Variants in TM9SF3 observed in about 807,000 individuals in gnomAD.
TM9SF3 encodes SM-11044-binding protein.
Under a neutral mutation model 78.6 loss-of-function variants are expected in TM9SF3, and 14 were observed. That is an observed-to-expected ratio of 0.18 (90% confidence interval 0.12 to 0.28). The LOEUF is 0.28. Ranked by LOEUF, TM9SF3 falls within the 10% of genes least tolerant of loss-of-function variation. The probability of loss-of-function intolerance (pLI) is 1.00; values close to 1 mark genes in which losing one functional copy is unlikely to be tolerated. For missense variants in TM9SF3, 496 were observed against 721.9 expected (o/e 0.69, Z 3.59); for synonymous variants, 231 against 241.7 (o/e 0.96, Z 0.41).
At chr10:96,554,774 G>C (rs1848215093) in intron 5 of TM9SF3, among the ~76,000 whole-genome samples, 1 of 152,104 alleles carries the variant, frequency 6.6e-6, no homozygotes, top group Non-Finnish European at 1.5e-5. Flanking sequence ...TGCAGACTCA[G>C]ACTGCCCTAA....
At chr10:96,579,162 C>T (rs1012686084) in intron 1 of TM9SF3, among the ~76,000 whole-genome samples, 1 of 152,160 alleles carries the variant, frequency 6.6e-6, no homozygotes, top group Non-Finnish European at 1.5e-5. Flanking sequence ...ATGTAAAGTT[C>T]ATTGGCAACT....
At chr10:96,523,903 C>T (rs1196975698) in intron 14 of TM9SF3, among the ~76,000 whole-genome samples, 2 of 151,776 alleles carry the variant, frequency 1.3e-5, no homozygotes, top group Non-Finnish European at 1.5e-5. Flanking sequence ...GAAGTCATTG[C>T]AAGTGTGGTA....
intron 14 of TM9SF3, among the ~76,000 whole-genome samples, chr10:96,526,797 C>G (rs1330248420): frequency 6.6e-6 from 1 of 152,120 alleles, no homozygotes; most frequent in Admixed American, 6.6e-5. Context: ...AAACAGGAAT[C>G]ATTCAGGCAA....
intron 10 of TM9SF3, among the ~76,000 whole-genome samples, chr10:96,531,838 T>C (rs1385333966): frequency 6.6e-6 from 1 of 152,170 alleles, no homozygotes; most frequent in African/African-American, 2.4e-5. Context: ...GACTATGCTT[T>C]TCCTTTAAAC....
intron 6 of TM9SF3, 99 bp from the exon 7 acceptor site, chr10:96,551,510 A>G: frequency 1.3e-6 from 1 of 793,884 alleles, no homozygotes; most frequent in South Asian, 3.2e-5. Context: ...TCCTCCCTCC[A>G]AATTTATAGC....
At chr10:96,522,431 T>A in intron 14 of TM9SF3, 101 bp from the exon 15 acceptor site, 2 of 916,216 alleles carry the variant, frequency 2.2e-6, no homozygotes, top group Non-Finnish European at 3.2e-6. Context: ...TTATTCTTTT[T>A]TAAAGAAAAT....
intron 1 of TM9SF3, among the ~76,000 whole-genome samples, chr10:96,582,653 T>C (rs1015394787): frequency 3.3e-5 from 5 of 152,258 alleles, no homozygotes; most frequent in African/African-American, 9.6e-5. Context: ...ATGATTCAAC[T>C]TTTAAAAATT....
intron 8 of TM9SF3, among the ~76,000 whole-genome samples, chr10:96,546,024 C>T (rs1848094612): frequency 6.6e-6 from 1 of 152,214 alleles, no homozygotes; most frequent in African/African-American, 2.4e-5. Flanking sequence ...ATCTGCATTG[C>T]TGTGTTTTCT....
At position 96,527,509 on chromosome 10, in the gene TM9SF3, G is replaced by A. The variant is rs755319199; in HGVS notation, c.1542-13C>T. 4.4e-6 allele frequency: 7 copies of A among 1,591,520 alleles called. No homozygotes were observed. Among genetic ancestry groups the A allele is most frequent in the Non-Finnish European group, 5.1e-6 (6 of 1,165,868 alleles). On this transcript the variant is annotated splice_polypyrimidine_tract_variant and intron_variant, in intron 12 of 14. Coordinates refer to ENST00000371142, the MANE Select transcript of TM9SF3 (RefSeq NM_020123.4). ...ACTTGTCCATTGCCTGGTGGGGGGA[G>A]GGGGAAAGAAGATAAATCTCTTTTG... is the stretch of plus-strand genomic sequence containing the variant.
At chr10:96,537,946 T>C (rs765638675) in intron 9 of TM9SF3, among the ~76,000 whole-genome samples, 3 of 152,212 alleles carry the variant, frequency 2.0e-5, no homozygotes, top group African/African-American at 4.8e-5. Flanking sequence ...GACTCAATAA[T>C]GTTAAGATGT....
Position 96,533,053 on chromosome 10 carries a change from T to C in TM9SF3, c.1323A>G (p.Lys441=), listed in dbSNP as rs1343722561. ...NAVPRPIPEK[K]WFMEPAVIVC... ...ATAAGATTTAGCATTCTCTTTACCA[T>C]TTTTTCTCCGGTATAGGACGAGGCA... The change falls in exon 10 of 15, where the codon AAA becomes AAG. Residue 441 remains lysine (K), a splice_region_variant and synonymous_variant. Coordinates refer to ENST00000371142, the MANE Select transcript of TM9SF3 (RefSeq NM_020123.4). 2 of 1,613,342 alleles carry C rather than the reference T, an allele frequency of 1.2e-6. No homozygotes were observed.
intron 8 of TM9SF3, among the ~76,000 whole-genome samples, chr10:96,545,516 T>G (rs1415308493): frequency 6.6e-6 from 1 of 152,210 alleles, no homozygotes; most frequent in African/African-American, 2.4e-5. Context: ...ATTAAAGTAT[T>G]ACTTCTATTT....
chr10:96,536,049 A>C (rs987990889), intron 9 of TM9SF3, among the ~76,000 whole-genome samples: 1 of 152,230 alleles, frequency 6.6e-6, no homozygotes, highest in African/African-American at 2.4e-5. Flanking sequence ...AGAATTAAAA[A>C]AGAAAAATCA....
chr10:96,543,947 T>C (rs112928418), intron 9 of TM9SF3, 129 bp downstream of exon 9: 2 of 953,206 alleles, frequency 2.1e-6, no homozygotes, highest in Non-Finnish European at 1.4e-6. Flanking sequence ...CTCATCTAAC[T>C]TTCCAGGACT....
At chr10:96,527,955 C>G in intron 12 of TM9SF3, 76 bp downstream of exon 12, 1 of 1,461,484 alleles carries the variant, frequency 6.8e-7, no homozygotes, top group Non-Finnish European at 9.3e-7. Context: ...CTTTACTCCA[C>G]TTGATAGATT....
At position 96,519,245 on chromosome 10, in the gene TM9SF3, T is replaced by C. The variant is rs1216435562; in HGVS notation, c.*3018A>G. 6.6e-6 allele frequency: 1 copy of C among 152,054 alleles called. No homozygotes were observed. The highest frequency in any genetic ancestry group is 6.6e-5 in the Admixed American group (1 of 15,256). 9.4% of individuals were successfully genotyped at this position (152,054 alleles called of 1,614,324 possible). On this transcript the variant is annotated 3_prime_UTR_variant, in exon 15 of 15. Transcript: ENST00000371142. ...GTGAATAAACCCTAAATAAAGTGGC[T>C]TTTGGAAGAACTGGATTTTGCAGCA...
chr10:96,556,941 C>T (rs1848240606), intron 5 of TM9SF3, among the ~76,000 whole-genome samples: 1 of 152,158 alleles, frequency 6.6e-6, no homozygotes, highest in South Asian at 2.1e-4. Context: ...ATCTCTCTAT[C>T]CTCCATGATA....
intron 2 of TM9SF3, among the ~76,000 whole-genome samples, chr10:96,573,808 A>T (rs1204688318): frequency 6.6e-6 from 1 of 152,190 alleles, no homozygotes; most frequent in Non-Finnish European, 1.5e-5. Context: ...AAACCTGACA[A>T]AAACAAGCAA....
At chr10:96,530,024 C>T (rs1386361824) in intron 11 of TM9SF3, among the ~76,000 whole-genome samples, 1 of 152,100 alleles carries the variant, frequency 6.6e-6, no homozygotes, top group Non-Finnish European at 1.5e-5. Flanking sequence ...ACAAAGGATG[C>T]AGATGTAAAG....
Sources: allele counts gnomAD v4.1 joint callset (sites outside exome capture counted in the v4.1 genomes callset), GRCh38; gene constraint gnomAD v4.1.1; transcripts MANE v1.5; gene names NCBI Gene and HGNC (gene_info 2026-07-23, HGNC 2026-07-21).